PI15: variants seen among roughly 807,000 people sequenced by gnomAD.
The protein encoded by PI15 is peptidase inhibitor 15, also known as 25 kDa trypsin inhibitor.
A neutral mutation model predicts 31.0 loss-of-function variants in PI15; 18 were observed. The ratio of observed to expected loss-of-function variants is 0.58; its 90% CI spans 0.40 to 0.86. The LOEUF (loss-of-function observed/expected upper bound fraction) is 0.86, where lower values mean the gene tolerates loss of function less well. PI15 is among the 40% of genes least tolerant of loss of function. The pLI, the probability that PI15 is intolerant of heterozygous loss-of-function variation, is 0.00. For missense variants in PI15, 282 were observed against 328.1 expected (o/e 0.86, Z 1.09); for synonymous variants, 118 against 119.1 (o/e 0.99, Z 0.06).
In PI15 at chr8:74,827,458, C is replaced by G. The variant is rs1261572584; in HGVS notation, c.273+1936C>G. ...TTTAATTGCTTCCGTATGCCAAGGA[C>G]TTGACTAATTGTTTCCATAGACGAT... On this transcript the variant is annotated intron_variant, in intron 2 of 5. Coordinates refer to ENST00000260113, the MANE Select transcript of PI15 (RefSeq NM_015886.5). Among the ~76,000 whole-genome samples the G allele has an allele frequency of 2.6e-5, 4 of 152,266 alleles. No homozygotes were observed. In the East Asian group the frequency reaches 7.7e-4, roughly 29 times the overall value.
chr8:74,849,084 G>C, intron 5 of PI15, 34 bp from the exon 6 acceptor site: 1 of 1,597,162 alleles, frequency 6.3e-7, no homozygotes, highest in Non-Finnish European at 8.5e-7. Context: ...TGGGTGGGTT[G>C]CACTAATGCT....
At chr8:74,845,559 G>T in intron 5 of PI15, 62 bp downstream of exon 5, 1 of 1,012,948 alleles carries the variant, frequency 9.9e-7, no homozygotes, top group Non-Finnish European at 1.6e-6. Context: ...TCCCTAGGCT[G>T]ATAGTTATCT....
chr8:74,829,677 T>A (rs1810752809), intron 2 of PI15, among the ~76,000 whole-genome samples: 2 of 152,146 alleles, frequency 1.3e-5, no homozygotes, highest in South Asian at 2.1e-4. Context: ...TGGAAAAAAA[T>A]TCCACTAAGG....
At chr8:74,827,773 A>G (rs775107959) in intron 2 of PI15, among the ~76,000 whole-genome samples, 1 of 152,170 alleles carries the variant, frequency 6.6e-6, no homozygotes, top group Non-Finnish European at 1.5e-5. Flanking sequence ...TATAATATCC[A>G]TGCTCTATTT....
At chr8:74,835,830 A>G (rs1810865274) in intron 2 of PI15, among the ~76,000 whole-genome samples, 1 of 152,190 alleles carries the variant, frequency 6.6e-6, no homozygotes, top group Admixed American at 6.5e-5. Flanking sequence ...GACTTTTTTA[A>G]TCAACAAGCT....
rs754634040 is a variant in PI15, at chr8:74,845,340, T to C, written c.526-42T>C. On this transcript the variant is annotated intron_variant, in intron 4 of 5. Transcript: ENST00000260113. ...CTATTTTGGTGGACATGCATTGTCT[T>C]AGCTCTGACTTCTGTAACAGTTTAT... is the stretch of plus-strand genomic sequence containing the variant. 7 of 1,586,404 alleles carry C rather than the reference T, an allele frequency of 4.4e-6. No individual in the cohort carries two copies. The East Asian group carries it at 1.3e-4, about 30-fold the overall frequency.
intron 2 of PI15, among the ~76,000 whole-genome samples, chr8:74,843,725 A>G (rs1453000196): frequency 4.6e-5 from 7 of 152,078 alleles, no homozygotes; most frequent in Non-Finnish European, 8.8e-5. Context: ...TTAGCTGGGC[A>G]TGGTGATGTG....
In PI15 at chr8:74,825,540, T is replaced by G; in HGVS notation, c.273+18T>G. ...AATATATGGTAAGAAGAATTCTTTT[T>G]TTTTTTTTTAAGTTCTGAGTGAGAA... On this transcript the variant is annotated intron_variant, in intron 2 of 5. Coordinates refer to ENST00000260113, the MANE Select transcript of PI15 (RefSeq NM_015886.5). 1.9e-6 allele frequency: 3 copies of G among 1,592,098 alleles called. No individual in the cohort carries two copies. The highest frequency in any genetic ancestry group is 2.6e-6 in the Non-Finnish European group (3 of 1,169,798).
intron 5 of PI15, among the ~76,000 whole-genome samples, chr8:74,846,427 A>G (rs1224318728): frequency 6.6e-6 from 1 of 152,226 alleles, no homozygotes; most frequent in African/African-American, 2.4e-5. Context: ...CATTTATACG[A>G]AAATTTTAGT....
In PI15 at chr8:74,854,343, T is replaced by A. The variant is rs1338003197; in HGVS notation, c.*5090T>A. Reference sequence around the variant, plus strand: ...AAACTTATTTTAAAGCAGTAGAACCTTTTCTATGAACTAAATCACATGCAA... The same window carrying A: ...AAACTTATTTTAAAGCAGTAGAACCATTTCTATGAACTAAATCACATGCAA... On this transcript the variant is annotated 3_prime_UTR_variant, in exon 6 of 6. Coordinates refer to ENST00000260113, the MANE Select transcript of PI15 (RefSeq NM_015886.5). The A allele has an allele frequency of 6.6e-6, 1 of 152,038 alleles. No individual in the cohort carries two copies. Among genetic ancestry groups the A allele is most frequent in the Non-Finnish European group, 1.5e-5 (1 of 67,922 alleles). The allele number at this position is 152,038 out of a possible 1,614,324, so 9.4% of individuals were successfully genotyped here.
chr8:74,826,951 G>T (rs1471234937), intron 2 of PI15, among the ~76,000 whole-genome samples: 1 of 152,066 alleles, frequency 6.6e-6, no homozygotes, highest in African/African-American at 2.4e-5. Context: ...ATACAGAAGA[G>T]ATGTTTTTAG....
chr8:74,838,573 C>G (rs1163754439), intron 2 of PI15, among the ~76,000 whole-genome samples: 2 of 152,094 alleles, frequency 1.3e-5, no homozygotes, highest in Non-Finnish European at 1.5e-5. Context: ...CCTCCCACCC[C>G]TCTCAAGTAG....
chr8:74,828,471 T>C (rs1010370896), intron 2 of PI15, among the ~76,000 whole-genome samples: 1 of 152,126 alleles, frequency 6.6e-6, no homozygotes, highest in African/African-American at 2.4e-5. Context: ...GAAGTAAGTA[T>C]AGTAGGTGGC....
In PI15 at chr8:74,852,229, T is replaced by C. The variant is rs1465815854; in HGVS notation, c.*2976T>C. ...TCCACATCATCGATCCTCTCTGTGG[T>C]GTTAATTTTTTTATATGACCAGTAG... On this transcript the variant is annotated 3_prime_UTR_variant, in exon 6 of 6. Transcript: ENST00000260113. 1.3e-5 allele frequency: 2 copies of C among 152,116 alleles called. No individual in the cohort carries two copies. The highest frequency in any genetic ancestry group is 2.9e-5 in the Non-Finnish European group (2 of 67,948). 9.4% of individuals were successfully genotyped at this position (152,116 alleles called of 1,614,324 possible). A position where few individuals can be genotyped will look rare whatever the true frequency, so the allele number is the denominator to read the frequency against.
At chr8:74,847,603 A>G (rs1335406349) in intron 5 of PI15, among the ~76,000 whole-genome samples, 1 of 152,180 alleles carries the variant, frequency 6.6e-6, no homozygotes, top group African/African-American at 2.4e-5. Context: ...GCTTATCCTT[A>G]TAGTGTAGAA....
chr8:74,842,374 C>A (rs1479367631), intron 2 of PI15, among the ~76,000 whole-genome samples: 1 of 152,054 alleles, frequency 6.6e-6, no homozygotes, highest in Non-Finnish European at 1.5e-5. Flanking sequence ...TCTCTAGTCA[C>A]AATGTGAACG....
intron 2 of PI15, among the ~76,000 whole-genome samples, chr8:74,842,835 A>T (rs1219903808): frequency 1.3e-5 from 2 of 152,210 alleles, no homozygotes; most frequent in Admixed American, 6.5e-5. Context: ...TCCTCTATAA[A>T]GGAAAGCAAC....
intron 2 of PI15, among the ~76,000 whole-genome samples, chr8:74,833,104 G>C (rs1290563048): frequency 1.3e-5 from 2 of 152,096 alleles, no homozygotes; most frequent in African/African-American, 4.8e-5. Flanking sequence ...GTTTGCAGGA[G>C]TATCACAGGA....
intron 2 of PI15, among the ~76,000 whole-genome samples, chr8:74,842,782 A>G (rs950247579): frequency 1.3e-5 from 2 of 152,220 alleles, no homozygotes; most frequent in Admixed American, 1.3e-4. Flanking sequence ...TTTCAATGAA[A>G]GAAAATTTAC....
Sources: allele counts gnomAD v4.1 joint callset (sites outside exome capture counted in the v4.1 genomes callset), GRCh38; gene constraint gnomAD v4.1.1; transcripts MANE v1.5; gene names NCBI Gene and HGNC (gene_info 2026-07-23, HGNC 2026-07-21).